The following CRNKL1 variants were observed in gnomAD, a reference collection of about 807,000 sequenced individuals.
CRNKL1 encodes crooked neck-like protein 1.
CRNKL1 carries 35 observed loss-of-function variants against 103.7 expected under a neutral mutation model. The ratio of observed to expected loss-of-function variants is 0.34; its 90% CI spans 0.26 to 0.45. CRNKL1 has a LOEUF of 0.45. Among genes scored for constraint, CRNKL1 ranks in the 20% least tolerant of loss-of-function variants. CRNKL1 has a pLI of 1.00. For synonymous variants in CRNKL1, 267 were observed against 282.6 expected (o/e 0.94, Z 0.55); for missense variants, 645 against 836.0 (o/e 0.77, Z 2.82).
At chr20:20,045,224 GA>G in intron 6 of CRNKL1, 83 bp downstream of exon 6, 1 of 1,181,880 alleles carries the variant, frequency 8.5e-7, no homozygotes, top group Non-Finnish European at 1.2e-6. Context: ...ATGTCAGTAA[GA>G]AAAAATGGAA....
At chr20:20,053,209 A>C (rs2043905838), upstream of CRNKL1, among the ~76,000 whole-genome samples, 1 of 152,152 alleles carries the variant, frequency 6.6e-6, no homozygotes, top group Non-Finnish European at 1.5e-5. Flanking sequence ...TGCCCTCAAA[A>C]ACTGAAAAGC....
Position 20,034,777 on chromosome 20 carries a change from T to C in CRNKL1, c.*1418A>G, listed in dbSNP as rs949023128. On this transcript the variant is annotated 3_prime_UTR_variant, in exon 14 of 14. Transcript: ENST00000536226. The stretch of plus-strand genomic sequence containing the variant: ...GATTTTATCTCAACAACAGTCCTAG[T>C]TTCTTCTGTCCTCAAACACTGTTAT... 4.6e-5 allele frequency: 7 copies of C among 152,222 alleles called. No individual in the cohort carries two copies. The highest frequency in any genetic ancestry group is 1.4e-4 in the African/African-American group (6 of 41,454). 9.4% of individuals were successfully genotyped at this position (152,222 alleles called of 1,614,324 possible). A position where few individuals can be genotyped will look rare whatever the true frequency, so the allele number is the denominator to read the frequency against.
chr20:20,040,864 G>A (rs1028547062), intron 9 of CRNKL1, 98 bp from the exon 10 acceptor site: 18 of 816,110 alleles, frequency 2.2e-5, no homozygotes, highest in South Asian at 6.4e-5. Context: ...TTGGTAATTC[G>A]ATTTCTCTAA....
At chr20:20,055,583 TTTC>T (rs2044253349), upstream of CRNKL1, among the ~76,000 whole-genome samples, 2 of 152,206 alleles carry the variant, frequency 1.3e-5, no homozygotes, top group South Asian at 4.1e-4. Flanking sequence ...GCTCGCTTTC[TTTC>T]TTCTTTTCTT....
At position 20,047,790 on chromosome 20, in the gene CRNKL1, A is replaced by C; in HGVS notation, c.597T>G (p.Asp199Glu). 6.2e-7 allele frequency: 1 copy of C among 1,614,230 alleles called. No individual in the cohort carries two copies. Among genetic ancestry groups the C allele is most frequent in the East Asian group, 2.2e-5 (1 of 44,878 alleles). The change falls in exon 5 of 14, where the codon GAT becomes GAG. Residue 199 changes from aspartate to glutamate, a missense_variant. Physicochemically the swap from Asp to Glu is conservative, Grantham distance 45. Transcript: ENST00000536226. Reference sequence around the variant, plus strand: ...ATCGCTCATAAATGGTGCGGGCCCGATCCACCTCTTTGTATCTCAGCTCAA... The same window carrying C: ...ATCGCTCATAAATGGTGCGGGCCCGCTCCACCTCTTTGTATCTCAGCTCAA... ...INFELRYKEV[D>E]RARTIYERFV...
chr20:20,055,294 A>G (rs1005254607), upstream of CRNKL1, among the ~76,000 whole-genome samples: 1 of 152,210 alleles, frequency 6.6e-6, no homozygotes, highest in African/African-American at 2.4e-5. Flanking sequence ...GATTGTGTGG[A>G]CTAGAATGCC....
In CRNKL1 at chr20:20,039,843, A is replaced by G. The variant is rs1189397722; in HGVS notation, c.1311T>C (p.Thr437=). 1 of 1,613,308 alleles carries G rather than the reference A, an allele frequency of 6.2e-7. No homozygotes were observed. The highest frequency in any genetic ancestry group is 1.1e-5 in the South Asian group (1 of 91,034). The change falls in exon 11 of 14, where the codon ACT becomes ACC. Residue 437 remains threonine, a synonymous_variant. Transcript: ENST00000536226. ...NLSLARRALG[T]SIGKCPKNKL... ...TGTTCTTTGGACATTTGCCTATGGA[A>G]GTTCCCTGGAAAATAAAATAACCAG...
Position 20,040,628 on chromosome 20 carries a change from G to C in CRNKL1, c.1305+58C>G, listed in dbSNP as rs1365182464. 3.0e-6 allele frequency: 4 copies of C among 1,324,636 alleles called. No individual in the cohort carries two copies. The East Asian group carries it at 9.2e-5, about 30-fold the overall frequency. 82.1% of individuals were successfully genotyped at this position (1,324,636 alleles called of 1,614,324 possible). A position where few individuals can be genotyped will look rare whatever the true frequency, so the allele number is the denominator to read the frequency against. On this transcript the variant is annotated intron_variant, in intron 10 of 13. Coordinates refer to ENST00000536226, the MANE Select transcript of CRNKL1 (RefSeq NM_001278628.2). Reference sequence around the variant, plus strand: ...GAACTGTACAACTTCCAAGCACCAAGATTTTAATTTCTTTCTCATAGAACT... The same window carrying C: ...GAACTGTACAACTTCCAAGCACCAACATTTTAATTTCTTTCTCATAGAACT...
At position 20,052,335 on chromosome 20, in the gene CRNKL1, G is replaced by A. The variant is rs2043783336; in HGVS notation, c.8C>T (p.Ala3Val). The change falls in exon 1 of 14, where the codon GCC becomes GTC. Residue 3 changes from alanine (A) to valine (V), a missense_variant. By Grantham distance (64) the Ala-to-Val change is moderately conservative. Transcript: ENST00000536226. Reference protein sequence around the residue: MAASTAAGKQRIP... With the variant: MAVSTAAGKQRIP... ...CCGCTGCTTCCCGGCCGCGGTGGAG[G>A]CCGCCATGTCTGCAGCAGTCGACCT... 1.2e-6 allele frequency: 2 copies of A among 1,613,030 alleles called. No individual in the cohort carries two copies. Among genetic ancestry groups the A allele is most frequent in the African/African-American group, 1.3e-5 (1 of 74,936 alleles).
rs150861900 is a variant in CRNKL1, at chr20:20,037,473, T to G, written c.1746A>C (p.Arg582=). ...GTCTCTCTTCCTTTTCTTCACAGTT[T>G]CGCATGGTTTTGTTAGCTTCTTCAT... The part of the protein sequence containing the change: ...QIYEEANKTM[R]NCEEKEERLM... The change falls in exon 13 of 14, where the codon CGA becomes CGC. Residue 582 remains arginine, a synonymous_variant. Coordinates refer to ENST00000536226, the MANE Select transcript of CRNKL1 (RefSeq NM_001278628.2). 7.0e-5 allele frequency: 113 copies of G among 1,614,218 alleles called. No homozygotes were observed. The African/African-American group carries it at 1.2e-3, about 18-fold the overall frequency.
At chr20:20,038,622 C>CA (rs1379705990) in intron 11 of CRNKL1, 172 bp from the exon 12 acceptor site, 1 of 463,520 alleles carries the variant, frequency 2.2e-6, no homozygotes, top group Non-Finnish European at 3.8e-6. Flanking sequence ...ATAAGCTGGC[C>CA]AAAACTTGGC....
intron 9 of CRNKL1, among the ~76,000 whole-genome samples, 175 bp downstream of exon 9, chr20:20,041,391 A>G (rs2043511629): frequency 6.6e-6 from 1 of 152,218 alleles, no homozygotes; most frequent in African/African-American, 2.4e-5. Context: ...GTTGTCCTCC[A>G]ACCTAGTCTG....
At chr20:20,045,260 A>G (rs2043576622) in intron 6 of CRNKL1, 48 bp downstream of exon 6, 2 of 1,458,158 alleles carry the variant, frequency 1.4e-6, no homozygotes, top group Non-Finnish European at 9.3e-7. Context: ...CACAAAATGT[A>G]ATCTTTGCTA....
chr20:20,055,136 T>G (rs917817750), upstream of CRNKL1, among the ~76,000 whole-genome samples: 1 of 152,208 alleles, frequency 6.6e-6, no homozygotes, highest in African/African-American at 2.4e-5. Context: ...TTTCATTTTT[T>G]AAGTTTCTGT....
Position 20,049,431 on chromosome 20 carries a change from T to TATGCC in CRNKL1, c.205-1_205insGGCAT (p.Thr69GlyfsTer8). On this transcript the variant is annotated frameshift_variant and splice_region_variant. Coordinates refer to ENST00000536226, the MANE Select transcript of CRNKL1 (RefSeq NM_001278628.2). LOFTEE classifies it high-confidence loss of function. ...TTTTTTCTTATATTATCTTCAAAAGTCTGGAAGAAGGCAAAAAGGGTCAAG... is the reference window on the plus strand; with the variant it reads ...TTTTTTCTTATATTATCTTCAAAAGTATGCCCTGGAAGAAGGCAAAAAGGGTCAAG... The TATGCC allele has an allele frequency of 6.4e-7, 1 of 1,565,484 alleles. No homozygotes were observed. Among genetic ancestry groups the TATGCC allele is most frequent in the Non-Finnish European group, 8.7e-7 (1 of 1,144,046 alleles).
intron 4 of CRNKL1, 33 bp from the exon 5 acceptor site, chr20:20,047,964 G>A: frequency 1.9e-6 from 3 of 1,593,346 alleles, no homozygotes; most frequent in Non-Finnish European, 1.7e-6. Context: ...TATCTGCTGT[G>A]GTTTAGTTCT....
intron 2 of CRNKL1, among the ~76,000 whole-genome samples, chr20:20,049,822 CTTTT>C (rs548948697): frequency 1.8e-4 from 26 of 144,742 alleles, no homozygotes; most frequent in Non-Finnish European, 3.1e-5. Flanking sequence ...TTCTTTCTTT[CTTTT>C]TTTTTTTTTG....
At chr20:20,054,691 C>T (rs2044156707), upstream of CRNKL1, among the ~76,000 whole-genome samples, 1 of 152,176 alleles carries the variant, frequency 6.6e-6, no homozygotes, top group Non-Finnish European at 1.5e-5. Context: ...TGGCCTTTTA[C>T]AGAAGTTTGC....
intron 5 of CRNKL1, among the ~76,000 whole-genome samples, chr20:20,046,329 T>C (rs1029227100): frequency 6.6e-6 from 1 of 152,210 alleles, no homozygotes; most frequent in Non-Finnish European, 1.5e-5. Flanking sequence ...GAATACTGCC[T>C]GGCACGTAGC....
Sources: allele counts gnomAD v4.1 joint callset (sites outside exome capture counted in the v4.1 genomes callset), GRCh38; gene constraint gnomAD v4.1.1; transcripts MANE v1.5; gene names NCBI Gene and HGNC (gene_info 2026-07-23, HGNC 2026-07-21).